The following ROR2 variants were observed in gnomAD, a reference collection of about 807,000 sequenced individuals.
The protein encoded by ROR2 is tyrosine-protein kinase transmembrane receptor ROR2.
A neutral mutation model predicts 74.9 loss-of-function variants in ROR2; 33 were observed. That is an observed-to-expected ratio of 0.44 (90% CI 0.33 to 0.59). The LOEUF (loss-of-function observed/expected upper bound fraction) is 0.59, where lower values mean the gene tolerates loss of function less well. ROR2 is among the 20% of genes least tolerant of loss of function. ROR2 has a pLI of 0.02. For synonymous variants in ROR2, 586 were observed against 558.7 expected (o/e 1.05, Z -0.69); for missense variants, 1,216 against 1,313.8 (o/e 0.93, Z 1.15).
At chr9:91,805,104 G>A (rs1371282584) in intron 1 of ROR2, among the ~76,000 whole-genome samples, 3 of 152,092 alleles carry the variant, frequency 2.0e-5, no homozygotes, top group African/African-American at 4.8e-5. Context: ...GACTATCCTC[G>A]AGTTCCCTGA....
At position 91,731,163 on chromosome 9, in the gene ROR2, A is replaced by C. The variant is rs1281690892; in HGVS notation, c.938-8T>G. The C allele has an allele frequency of 6.2e-7, 1 of 1,614,072 alleles. No individual in the cohort carries two copies. ...CGTTATAGCACTGATGGTCTGAACA[A>C]GGAAAACACGTTAGGAAAACCTCCG... On this transcript the variant is annotated splice_region_variant and splice_polypyrimidine_tract_variant and intron_variant, in intron 6 of 8. Coordinates refer to ENST00000375708, the MANE Select transcript of ROR2 (RefSeq NM_004560.4).
intron 1 of ROR2, among the ~76,000 whole-genome samples, chr9:91,940,321 G>C (rs1831816268): frequency 6.6e-6 from 1 of 152,204 alleles, no homozygotes; most frequent in Non-Finnish European, 1.5e-5. Flanking sequence ...AGTAGGCCGG[G>C]GGAAATGAAA....
intron 1 of ROR2, among the ~76,000 whole-genome samples, chr9:91,883,676 C>G (rs1361747423): frequency 4.6e-5 from 7 of 152,140 alleles, no homozygotes; most frequent in African/African-American, 1.7e-4. Flanking sequence ...GACAAGAGGC[C>G]TTGGAATGAG....
At chr9:91,944,165 T>C (rs544672759) in intron 1 of ROR2, among the ~76,000 whole-genome samples, 2 of 152,314 alleles carry the variant, frequency 1.3e-5, no homozygotes, top group Admixed American at 1.3e-4. Context: ...CTACTTCTCC[T>C]AGGCTACAAC....
chr9:91,758,516 T>C (rs911409471), intron 2 of ROR2, among the ~76,000 whole-genome samples: 1 of 152,174 alleles, frequency 6.6e-6, no homozygotes, highest in Non-Finnish European at 1.5e-5. Context: ...GTTACAATGC[T>C]GATGAGGGGG....
chr9:91,738,423 T>C (rs1042488226), intron 4 of ROR2, among the ~76,000 whole-genome samples: 4 of 152,210 alleles, frequency 2.6e-5, no homozygotes, highest in Middle Eastern at 3.2e-3. Context: ...GATGGGTATG[T>C]GTTTGTGTAT....
chr9:91,744,648 C>A (rs7031729), intron 4 of ROR2, among the ~76,000 whole-genome samples: 82,033 of 152,024 alleles, frequency 0.54, 22,239 homozygotes, highest in Non-Finnish European at 0.55. Flanking sequence ...GTGGCAAAAA[C>A]ATCCACTTGA....
At chr9:91,940,585 C>T (rs920483780) in intron 1 of ROR2, among the ~76,000 whole-genome samples, 6 of 149,636 alleles carry the variant, frequency 4.0e-5, no homozygotes, top group Non-Finnish European at 7.4e-5. Context: ...AAAATCATAA[C>T]GTGCAATTCT....
chr9:91,747,111 C>T (rs578196802), intron 4 of ROR2, among the ~76,000 whole-genome samples: 1 of 152,204 alleles, frequency 6.6e-6, no homozygotes, highest in Non-Finnish European at 1.5e-5. Context: ...AAATATGAGA[C>T]AGGCAGCCTA....
rs191143911 is a variant in ROR2, at chr9:91,947,506, T to C, written c.97+2361A>G. ...ACAAAGTCTTCTTATTCAAGATGTT[T>C]CCATTTATTTTCTTCTAGATGGATT... On this transcript the variant is annotated intron_variant, in intron 1 of 8. Coordinates refer to ENST00000375708, the MANE Select transcript of ROR2 (RefSeq NM_004560.4). Among the ~76,000 whole-genome samples, 575 of 152,362 alleles carry C rather than the reference T, an allele frequency of 3.8e-3. 3 individuals are homozygous for C. The highest frequency in any genetic ancestry group is 2.7e-3 in the South Asian group (13 of 4,832).
chr9:91,834,796 A>G (rs531645703), intron 1 of ROR2, among the ~76,000 whole-genome samples: 1 of 152,364 alleles, frequency 6.6e-6, no homozygotes, highest in East Asian at 1.9e-4. Flanking sequence ...CCATCTGCAC[A>G]CACACAGGTT....
intron 1 of ROR2, among the ~76,000 whole-genome samples, chr9:91,925,466 ATGTGTGTGTGTG>A (rs35012954): frequency 1.4e-5 from 2 of 144,510 alleles, no homozygotes; most frequent in Admixed American, 6.8e-5. Context: ...AGCTGCCTGT[ATGTGTGTGTGTG>A]TGTGTGTGTG....
At chr9:91,874,251 G>T (rs1829890572) in intron 1 of ROR2, among the ~76,000 whole-genome samples, 1 of 152,152 alleles carries the variant, frequency 6.6e-6, no homozygotes, top group South Asian at 2.1e-4. Context: ...CTCTGTGGCG[G>T]CCACTTGGCC....
At chr9:91,864,539 A>G (rs894054193) in intron 1 of ROR2, among the ~76,000 whole-genome samples, 1 of 152,208 alleles carries the variant, frequency 6.6e-6, no homozygotes, top group Admixed American at 6.5e-5. Flanking sequence ...TTTTGCAGAG[A>G]CGCTGCCATA....
At chr9:91,899,797 C>T (rs1377313736) in intron 1 of ROR2, among the ~76,000 whole-genome samples, 1 of 152,144 alleles carries the variant, frequency 6.6e-6, no homozygotes, top group African/African-American at 2.4e-5. Flanking sequence ...ACAATCCCCA[C>T]ATGCACTCAC....
intron 1 of ROR2, among the ~76,000 whole-genome samples, chr9:91,944,887 T>C (rs1466694170): frequency 6.6e-6 from 1 of 151,872 alleles, no homozygotes; most frequent in Non-Finnish European, 1.5e-5. Flanking sequence ...CCTCCATCTC[T>C]ACGAAAAAAA....
chr9:91,817,378 C>G (rs1306523167), intron 1 of ROR2, among the ~76,000 whole-genome samples: 1 of 152,166 alleles, frequency 6.6e-6, no homozygotes, highest in African/African-American at 2.4e-5. Flanking sequence ...GCTATAGGAC[C>G]ACTGCAGGTG....
At chr9:91,846,450 A>C (rs1828933807) in intron 1 of ROR2, among the ~76,000 whole-genome samples, 1 of 152,164 alleles carries the variant, frequency 6.6e-6, no homozygotes, top group East Asian at 1.9e-4. Context: ...ACCAGAAACC[A>C]AATCTGCTAA....
intron 1 of ROR2, among the ~76,000 whole-genome samples, chr9:91,793,373 T>G (rs1448184382): frequency 6.6e-6 from 1 of 151,564 alleles, no homozygotes; most frequent in African/African-American, 2.4e-5. Flanking sequence ...GACAGTTATT[T>G]GAGAAAAAAA....
Sources: gnomAD v4.1 joint callset for allele counts (sites outside exome capture counted in the v4.1 genomes callset) on GRCh38, gnomAD v4.1.1 for gene constraint, MANE v1.5 for transcripts, NCBI Gene and HGNC (gene_info 2026-07-23, HGNC 2026-07-21) for gene names.